The following CFAP65 variants were observed in gnomAD, a reference collection of about 807,000 sequenced individuals.
CFAP65 encodes the protein cilia and flagella associated protein 65, also known as cilia- and flagella-associated protein 65.
A neutral mutation model predicts 208.0 loss-of-function variants in CFAP65; 155 were observed. The ratio of observed to expected loss-of-function variants is 0.75; its 90% CI spans 0.65 to 0.85. The LOEUF (loss-of-function observed/expected upper bound fraction) is 0.85. CFAP65 is among the 40% of genes least tolerant of loss of function. CFAP65 has a pLI of 0.00. For synonymous variants in CFAP65, 970 were observed against 986.3 expected, an observed-to-expected ratio of 0.98 and a Z score of 0.31; for missense variants, 2,294 against 2,451.3, an observed-to-expected ratio of 0.94 and a Z score of 1.36.
Position 219,041,512 on chromosome 2 carries a change from T to C in CFAP65, c.-73A>G. 2 of 1,550,582 alleles carry C rather than the reference T, an allele frequency of 1.3e-6. No individual in the cohort carries two copies. Among genetic ancestry groups the C allele is most frequent in the South Asian group, 2.4e-5 (2 of 84,062 alleles). On this transcript the variant is annotated 5_prime_UTR_variant, in exon 1 of 35. It removes an upstream start codon present in the reference 5' UTR. Coordinates refer to ENST00000341552, the MANE Select transcript of CFAP65 (RefSeq NM_194302.4). ...CATCGCCTCCATATTGCCGTCTCCA[T>C]AGATACAGGACGCGCAGGAAACGGC...
At chr2:219,008,435 A>C (rs1440146055) in intron 29 of CFAP65, among the ~76,000 whole-genome samples, 2 of 152,166 alleles carry the variant, frequency 1.3e-5, no homozygotes, top group African/African-American at 4.8e-5. Context: ...CTGAAGCCAC[A>C]GTGTCTTCCA....
chr2:219,016,634 A>G (rs1946904133), intron 21 of CFAP65, among the ~76,000 whole-genome samples: 1 of 151,902 alleles, frequency 6.6e-6, no homozygotes, highest in Non-Finnish European at 1.5e-5. Context: ...TTTCCCTTCC[A>G]GCCCTCTAGC....
In CFAP65 at chr2:219,030,967, G is replaced by C. The variant is rs1164130618; in HGVS notation, c.1016-133C>G. 3.5e-6 allele frequency: 5 copies of C among 1,430,426 alleles called. No individual in the cohort carries two copies. In the African/African-American group the frequency reaches 7.1e-5, roughly 20 times the overall value. The allele number at this position is 1,430,426 out of a possible 1,614,324, so 88.6% of individuals were successfully genotyped here. On this transcript the variant is annotated intron_variant, in intron 8 of 34. Transcript: ENST00000341552. The stretch of plus-strand genomic sequence containing the variant: ...AACATCATGGAAGACAAAAGGCAAA[G>C]CCTTCTGGGCTTGGGGGAGGGCAGG...
chr2:219,021,807 G>A lies in CFAP65; in HGVS notation c.3103C>T (p.Pro1035Ser). 1.2e-6 allele frequency: 2 copies of A among 1,613,742 alleles called. No homozygotes were observed. Among genetic ancestry groups the A allele is most frequent in the African/African-American group, 1.3e-5 (1 of 75,036 alleles). Reference protein sequence around the residue: ...YYRLYLEQGSPEAVDNHPLAL... With the variant: ...YYRLYLEQGSSEAVDNHPLAL... ...AGGGGGTGGTTGTCAACGGCCTCAG[G>A]GCTGCCCTGCTCCAGGTAGAGGCGG... The change falls in exon 18 of 35, where the codon CCT becomes TCT. Residue 1035 changes from proline to serine, a missense_variant. This residue lies in a region of CFAP65 where 1,427 missense variants were observed against 1,438.7 expected (regional missense o/e 0.99). Coordinates refer to ENST00000341552, the MANE Select transcript of CFAP65 (RefSeq NM_194302.4).
chr2:219,009,402 AC>A lies in CFAP65; in HGVS notation c.4510del (p.Val1504Ter). On this transcript the variant is annotated frameshift_variant, in exon 28 of 35. Coordinates refer to ENST00000341552, the MANE Select transcript of CFAP65 (RefSeq NM_194302.4). LOFTEE classifies it high-confidence loss of function. ...GGCATGCACAGAGGCCCTCAAGGTC[AC>A]CACAAATGGGACCGTCTCTTCAGGA... ...VAPEETVPFVVTLRASVHASF... is the reference protein window; with the variant it reads ...VAPEETVPFVXTLRASVHASF... 6.2e-7 allele frequency: 1 copy of A among 1,612,728 alleles called. No homozygotes were observed. Among genetic ancestry groups the A allele is most frequent in the Non-Finnish European group, 8.5e-7 (1 of 1,179,952 alleles).
chr2:219,021,799 G>T lies in CFAP65; in HGVS notation c.3111C>A (p.Ala1037=). 6.2e-7 allele frequency: 1 copy of T among 1,613,636 alleles called. No individual in the cohort carries two copies. The highest frequency in any genetic ancestry group is 1.7e-5 in the Admixed American group (1 of 60,014). The change falls in exon 18 of 35, where the codon GCC becomes GCA. Residue 1037 remains alanine, a synonymous_variant. Transcript: ENST00000341552. Reference sequence around the variant, plus strand: ...AAGTACCGAGGGGGTGGTTGTCAACGGCCTCAGGGCTGCCCTGCTCCAGGT... The same window carrying T: ...AAGTACCGAGGGGGTGGTTGTCAACTGCCTCAGGGCTGCCCTGCTCCAGGT... ...RLYLEQGSPE[A]VDNHPLALQL... is the part of the protein sequence containing the mutation.
At position 219,032,439 on chromosome 2, in the gene CFAP65, C is replaced by A; in HGVS notation, c.645+31G>T. 6.5e-7 allele frequency: 1 copy of A among 1,548,152 alleles called. No homozygotes were observed. The highest frequency in any genetic ancestry group is 1.2e-5 in the South Asian group (1 of 83,962). On this transcript the variant is annotated intron_variant, in intron 6 of 34. Coordinates refer to ENST00000341552, the MANE Select transcript of CFAP65 (RefSeq NM_194302.4). The surrounding 1 kb of genome is among the most constrained non-coding windows in gnomAD (Gnocchi z 5.5). ...CTGAGGTCACTGCTCCCAGGTACCT[C>A]CCTGCCCTCACTCGCTGTGGCAGAC...
chr2:219,027,455 A>C (rs772495385), intron 13 of CFAP65, 195 bp downstream of exon 13: 10 of 1,537,306 alleles, frequency 6.5e-6, no homozygotes, highest in Non-Finnish European at 8.8e-6. Context: ...TAAGAATGAG[A>C]AAATCAGATG....
chr2:219,038,848 G>A, intron 3 of CFAP65, 48 bp downstream of exon 3: 1 of 1,560,266 alleles, frequency 6.4e-7, no homozygotes. Flanking sequence ...GCCACACTTG[G>A]CACTGCTCAG....
chr2:219,041,494 T>C lies in CFAP65; in HGVS notation c.-55A>G, dbSNP rs1259570111. 1.0e-5 allele frequency: 16 copies of C among 1,550,342 alleles called. No individual in the cohort carries two copies. Among genetic ancestry groups the C allele is most frequent in the Non-Finnish European group, 1.4e-5 (16 of 1,146,968 alleles). On this transcript the variant is annotated 5_prime_UTR_variant, in exon 1 of 35. Coordinates refer to ENST00000341552, the MANE Select transcript of CFAP65 (RefSeq NM_194302.4). The stretch of plus-strand genomic sequence containing the variant: ...ACTAACGCTCAGAACTTACATCGCC[T>C]CCATATTGCCGTCTCCATAGATACA...
intron 5 of CFAP65, chr2:219,034,710 C>T (rs1327672369): frequency 1.3e-5 from 2 of 152,148 alleles, no homozygotes; most frequent in Non-Finnish European, 2.9e-5. Flanking sequence ...AGAAAAATGG[C>T]CACAGACTTG....
In CFAP65 at chr2:219,004,929, CCTCTTTT is replaced by C; in HGVS notation, c.5052-481_5052-475del. Among the ~76,000 whole-genome samples the C allele has an allele frequency of 6.9e-6, 1 of 144,518 alleles. No homozygotes were observed. Among genetic ancestry groups the C allele is most frequent in the African/African-American group, 2.8e-5 (1 of 35,490 alleles). The allele number at this position is 144,518 out of a possible 152,430, so 94.8% of individuals were successfully genotyped here. On this transcript the variant is annotated intron_variant, in intron 32 of 34. Transcript: ENST00000341552. The surrounding 1 kb of genome is among the most constrained non-coding windows in gnomAD (Gnocchi z 4.7). Reference sequence around the variant, plus strand: ...TCTCTTTCTTTCTCTCTCTTTCTCTCCTCTTTTTTCTTTCTTTCTTTCTTTCTTTCTC... The same window carrying C: ...TCTCTTTCTTTCTCTCTCTTTCTCTCTTCTTTCTTTCTTTCTTTCTTTCTC...
At chr2:219,029,064 C>G (rs1947843906) in intron 11 of CFAP65, among the ~76,000 whole-genome samples, 1 of 152,218 alleles carries the variant, frequency 6.6e-6, no homozygotes, top group Non-Finnish European at 1.5e-5. Context: ...AAGAATTAGT[C>G]TGTGAAGTCA....
chr2:219,003,989 C>A lies in CFAP65; in HGVS notation c.5518G>T (p.Glu1840Ter). Reference protein sequence around the residue: ...WQQQLNVMVKEEQEQDEKEAI... With the variant: ...WQQQLNVMVK ...TCCTTCTCGTCCTGTTCTTGCTCCT[C>A]CTTCACCATGACATTCAGCTGCTGT... Residue 1840 changes from glutamate (E) to a stop codon, truncating the protein, a stop_gained, in exon 33 of 35, where the codon GAG becomes TAG. Transcript: ENST00000341552. LOFTEE classifies it high-confidence loss of function. The surrounding 1 kb of genome is among the most constrained non-coding windows in gnomAD (Gnocchi z 4.4). 1 of 1,614,000 alleles carries A rather than the reference C, an allele frequency of 6.2e-7. No individual in the cohort carries two copies. Among genetic ancestry groups the A allele is most frequent in the Admixed American group, 1.7e-5 (1 of 60,026 alleles).
In CFAP65 at chr2:219,032,379, G is replaced by C; in HGVS notation, c.645+91C>G. ...GGAGCGGGCAGCATGTGTGTGTGCC[G>C]GGGCGCTCCTGGTTGCTCTGTCCTG... On this transcript the variant is annotated intron_variant, in intron 6 of 34. Transcript: ENST00000341552. This position sits in a 1 kb window ranked among gnomAD's most constrained non-coding sequence, Gnocchi z 5.5. 1.8e-6 allele frequency: 2 copies of C among 1,128,416 alleles called. No homozygotes were observed. The highest frequency in any genetic ancestry group is 2.5e-6 in the Non-Finnish European group (2 of 790,090). 69.9% of individuals were successfully genotyped at this position (1,128,416 alleles called of 1,614,324 possible).
Position 219,003,823 on chromosome 2 carries a change from G to A in CFAP65, c.5555+129C>T. 1 of 1,127,544 alleles carries A rather than the reference G, an allele frequency of 8.9e-7. No individual in the cohort carries two copies. The highest frequency in any genetic ancestry group is 1.3e-6 in the Non-Finnish European group (1 of 787,800). 69.8% of individuals were successfully genotyped at this position (1,127,544 alleles called of 1,614,324 possible). A position where few individuals can be genotyped will look rare whatever the true frequency, so the allele number is the denominator to read the frequency against. ...CACAGAGGCCTTAAGCTACCAACAT[G>A]ACCTCACTAAGCACTGAATTAGGAT... On this transcript the variant is annotated intron_variant, in intron 33 of 34. Coordinates refer to ENST00000341552, the MANE Select transcript of CFAP65 (RefSeq NM_194302.4). The surrounding 1 kb of genome is among the most constrained non-coding windows in gnomAD (Gnocchi z 4.4).
chr2:219,036,765 C>T (rs1335401718), intron 4 of CFAP65, among the ~76,000 whole-genome samples: 1 of 152,110 alleles, frequency 6.6e-6, no homozygotes, highest in Admixed American at 6.5e-5. Flanking sequence ...TTATCTTTGA[C>T]CAAGTATTGC....
chr2:219,029,715 C>A, intron 10 of CFAP65, 47 bp from the exon 11 acceptor site: 1 of 1,589,156 alleles, frequency 6.3e-7, no homozygotes, highest in South Asian at 1.2e-5. Flanking sequence ...ATATCTTAGA[C>A]AAAGTTCCAC....
chr2:219,005,829 C>A (rs1372141117), intron 31 of CFAP65, among the ~76,000 whole-genome samples, 192 bp downstream of exon 31: 3 of 152,206 alleles, frequency 2.0e-5, no homozygotes, highest in African/African-American at 7.2e-5. Flanking sequence ...GGGGCTCTGG[C>A]TGCTTTGTCC....
Sources: allele counts gnomAD v4.1 joint callset (sites outside exome capture counted in the v4.1 genomes callset), GRCh38; gene constraint gnomAD v4.1.1; regional missense constraint gnomAD v4.1.1; non-coding constraint Gnocchi (gnomAD v3.1); transcripts MANE v1.5; gene names NCBI Gene and HGNC (gene_info 2026-07-23, HGNC 2026-07-21).